MAPRE2: variants seen among roughly 807,000 people sequenced by gnomAD.
MAPRE2 encodes the protein microtubule-associated protein RP/EB family member 2.
Under a neutral mutation model 43.2 loss-of-function variants are expected in MAPRE2, and 13 were observed. The observed-to-expected ratio is 0.30, with a 90% CI of 0.20 to 0.48. The LOEUF is 0.48. Ranked by LOEUF, MAPRE2 falls within the 20% of genes least tolerant of loss-of-function variation. The pLI, the probability that MAPRE2 is intolerant of heterozygous loss-of-function variation, is 0.99. For missense variants in MAPRE2, 161 were observed against 400.2 expected (o/e 0.40, Z 5.10); for synonymous variants, 135 against 148.8 (o/e 0.91, Z 0.68).
intron 1 of MAPRE2, among the ~76,000 whole-genome samples, chr18:34,984,773 A>G (rs1287045385): frequency 8.2e-6 from 1 of 122,254 alleles, no homozygotes; most frequent in African/African-American, 3.2e-5. Flanking sequence ...ATATATAATA[A>G]TATATTAATA....
At chr18:35,069,506 T>C (rs539014052) in intron 1 of MAPRE2, among the ~76,000 whole-genome samples, 1 of 151,876 alleles carries the variant, frequency 6.6e-6, no homozygotes, top group Admixed American at 6.6e-5. Flanking sequence ...ACAAGGGGAG[T>C]TGATAGGAGT....
chr18:35,035,953 T>G (rs2097050334), intron 2 of MAPRE2, among the ~76,000 whole-genome samples: 1 of 145,484 alleles, frequency 6.9e-6, no homozygotes, highest in African/African-American at 2.6e-5. Context: ...CCTCATCACA[T>G]TAAGACCTAT....
At chr18:35,059,169 A>G (rs1906390946) in intron 1 of MAPRE2, among the ~76,000 whole-genome samples, 1 of 152,226 alleles carries the variant, frequency 6.6e-6, no homozygotes, top group Admixed American at 6.5e-5. Flanking sequence ...GATCCCAAAG[A>G]GTTGAGACAC....
intron 1 of MAPRE2, among the ~76,000 whole-genome samples, chr18:34,985,018 T>C (rs1603386077): frequency 1.3e-5 from 1 of 76,754 alleles, no homozygotes; most frequent in Non-Finnish European, 2.2e-5. Context: ...TTTTATGTTA[T>C]ATAATATATA....
intron 4 of MAPRE2, among the ~76,000 whole-genome samples, chr18:35,126,365 T>C (rs1323432609): frequency 1.3e-5 from 2 of 152,160 alleles, no homozygotes; most frequent in Non-Finnish European, 2.9e-5. Context: ...CCCTGCACCA[T>C]CCCTAGAATC....
At chr18:35,041,256 G>T, upstream of MAPRE2, 1 of 1,271,828 alleles carries the variant, frequency 7.9e-7, no homozygotes, top group Non-Finnish European at 1.0e-6. Flanking sequence ...TGCTGGCGTG[G>T]TCACGCCGCG....
At chr18:34,999,902 C>T (rs1444456634) in intron 1 of MAPRE2, among the ~76,000 whole-genome samples, 1 of 151,974 alleles carries the variant, frequency 6.6e-6, no homozygotes, top group Non-Finnish European at 1.5e-5. Context: ...CCCTCTGCTG[C>T]CCCTAGAGAA....
intron 1 of MAPRE2, among the ~76,000 whole-genome samples, chr18:35,048,359 G>A (rs753997827): frequency 5.3e-5 from 8 of 152,060 alleles, no homozygotes; most frequent in Non-Finnish European, 1.2e-4. Flanking sequence ...ACAAGATTTA[G>A]AGGGGACAAC....
chr18:35,123,140 C>T (rs768901802), intron 4 of MAPRE2, among the ~76,000 whole-genome samples: 3 of 152,158 alleles, frequency 2.0e-5, no homozygotes, highest in African/African-American at 4.8e-5. Context: ...TCCCCGATAA[C>T]GTGGCTTTGC....
chr18:35,062,556 C>T (rs1047428001), intron 1 of MAPRE2, among the ~76,000 whole-genome samples: 10 of 152,218 alleles, frequency 6.6e-5, no homozygotes, highest in African/African-American at 2.2e-4. Context: ...TAACCAGGAA[C>T]AACTCTGTGA....
chr18:35,017,064 T>G (rs2097038760), intron 2 of MAPRE2, among the ~76,000 whole-genome samples: 1 of 152,008 alleles, frequency 6.6e-6, no homozygotes, highest in African/African-American at 2.4e-5. Flanking sequence ...GGAAGACCTT[T>G]CCCCATTGCT....
At chr18:35,115,396 G>A (rs1455136683) in intron 4 of MAPRE2, among the ~76,000 whole-genome samples, 1 of 152,022 alleles carries the variant, frequency 6.6e-6, no homozygotes, top group Non-Finnish European at 1.5e-5. Flanking sequence ...TAGTTTTTGG[G>A]GTACAGATGG....
At chr18:35,111,451 C>T (rs1909169778) in intron 4 of MAPRE2, among the ~76,000 whole-genome samples, 1 of 152,146 alleles carries the variant, frequency 6.6e-6, no homozygotes, top group African/African-American at 2.4e-5. Flanking sequence ...GAGAATATGT[C>T]ACATTTTCCT....
chr18:35,044,747 G>C (rs140236015), intron 1 of MAPRE2, among the ~76,000 whole-genome samples: 2 of 152,262 alleles, frequency 1.3e-5, no homozygotes, highest in Admixed American at 6.5e-5. Context: ...AGAAGAGGAG[G>C]GAACACCTAG....
chr18:35,041,451 T>C lies in MAPRE2; in HGVS notation c.-89T>C. The stretch of plus-strand genomic sequence containing the variant: ...GCGAGCAGGCGGCAGGCACGGTCCG[T>C]GCGGAGCAGGCGAGCGAGCGGGAAG... On this transcript the variant is annotated 5_prime_UTR_variant, in exon 1 of 7. Transcript: ENST00000300249. 6 of 1,605,696 alleles carry C rather than the reference T, an allele frequency of 3.7e-6. No individual in the cohort carries two copies. The highest frequency in any genetic ancestry group is 1.7e-5 in the Admixed American group (1 of 59,644).
chr18:35,039,886 A>G (rs1015370868), upstream of MAPRE2, among the ~76,000 whole-genome samples: 42 of 152,222 alleles, frequency 2.8e-4, no homozygotes, highest in African/African-American at 9.4e-4. Context: ...ATAAAAGGTC[A>G]GAGACCACTG....
intron 2 of MAPRE2, among the ~76,000 whole-genome samples, chr18:35,027,056 T>C (rs2097045615): frequency 6.6e-6 from 1 of 152,202 alleles, no homozygotes; most frequent in South Asian, 2.1e-4. Context: ...AGTTGAACAT[T>C]CATTCTTTTC....
intron 1 of MAPRE2, among the ~76,000 whole-genome samples, chr18:34,997,708 C>T (rs901029750): frequency 1.3e-5 from 2 of 151,992 alleles, no homozygotes; most frequent in African/African-American, 2.4e-5. Flanking sequence ...CCCAGCTATT[C>T]GGGAGGCTGA....
chr18:35,051,223 A>C (rs1905920068), intron 1 of MAPRE2, among the ~76,000 whole-genome samples: 1 of 152,056 alleles, frequency 6.6e-6, no homozygotes. Flanking sequence ...TCCCTTCGAC[A>C]CTTGTTCTCC....
Sources: gnomAD v4.1 joint callset for allele counts (sites outside exome capture counted in the v4.1 genomes callset) on GRCh38, gnomAD v4.1.1 for gene constraint, MANE v1.5 for transcripts, NCBI Gene and HGNC (gene_info 2026-07-23, HGNC 2026-07-21) for gene names.